DNAJA4: variants seen among roughly 807,000 people sequenced by gnomAD.
DNAJA4 encodes the protein DnaJ heat shock protein family (Hsp40) member A4, also known as dnaJ homolog subfamily A member 4.
In DNAJA4, 32 loss-of-function variants were observed where a neutral mutation model predicts 39.7. The observed-to-expected ratio is 0.81, with a 90% CI of 0.61 to 1.08. The LOEUF (loss-of-function observed/expected upper bound fraction) is 1.08. Among genes scored for constraint, DNAJA4 ranks in the 50% least tolerant of loss-of-function variants. DNAJA4 has a pLI of 0.00. For synonymous variants in DNAJA4, 184 were observed against 182.4 expected (o/e 1.01, Z -0.07); for missense variants, 439 against 505.1 (o/e 0.87, Z 1.25).
chr15:78,278,912 G>A (rs1450471676), intron 5 of DNAJA4, among the ~76,000 whole-genome samples: 1 of 136,166 alleles, frequency 7.3e-6, no homozygotes, highest in Non-Finnish European at 1.5e-5. Context: ...CTCGTGATCC[G>A]CCCGCCTCGG....
intron 5 of DNAJA4, chr15:78,278,027 C>T: frequency 2.2e-6 from 1 of 455,884 alleles, no homozygotes; most frequent in South Asian, 1.5e-5. Flanking sequence ...TCTCCCTCTT[C>T]TTCCTCTTTT....
chr15:78,279,817 A>G lies in DNAJA4; in HGVS notation c.878-228A>G. 1 of 585,480 alleles carries G rather than the reference A, an allele frequency of 1.7e-6. No individual in the cohort carries two copies. The highest frequency in any genetic ancestry group is 4.6e-4 in the Middle Eastern group (1 of 2,192). The allele number at this position is 585,480 out of a possible 1,614,324, so 36.3% of individuals were successfully genotyped here. A position where few individuals can be genotyped will look rare whatever the true frequency, so the allele number is the denominator to read the frequency against. On this transcript the variant is annotated intron_variant, in intron 5 of 6. Coordinates refer to ENST00000394852, the MANE Select transcript of DNAJA4 (RefSeq NM_001130182.2). This position sits in a 1 kb window ranked among gnomAD's most constrained non-coding sequence, Gnocchi z 4.5. ...AGCTGCACCATGCTGCCCTCTTGAC[A>G]CACTGCTGGAGCCCAGAGCACAGGC...
At position 78,279,965 on chromosome 15, in the gene DNAJA4, C is replaced by T. The variant is rs200112762; in HGVS notation, c.878-80C>T. ...ACTGCCACGGGGCACTAGGGCCTGC[C>T]GCAGGCTCTCCCATGAGGGAGAACG... On this transcript the variant is annotated intron_variant, in intron 5 of 6. Coordinates refer to ENST00000394852, the MANE Select transcript of DNAJA4 (RefSeq NM_001130182.2). This position sits in a 1 kb window ranked among gnomAD's most constrained non-coding sequence, Gnocchi z 4.5. 9.3e-5 allele frequency: 129 copies of T among 1,392,210 alleles called. 1 individual carries two copies. The East Asian group carries it at 1.5e-3, about 17-fold the overall frequency. The allele number at this position is 1,392,210 out of a possible 1,614,324, so 86.2% of individuals were successfully genotyped here.
Position 78,264,888 on chromosome 15 carries a change from G to C in DNAJA4, c.125G>C (p.Gly42Ala). 6.3e-7 allele frequency: 1 copy of C among 1,597,162 alleles called. No homozygotes were observed. The highest frequency in any genetic ancestry group is 8.5e-7 in the Non-Finnish European group (1 of 1,171,444). Residue 42 changes from glycine (G) to alanine (A), a missense_variant, in exon 1 of 7, where the codon GGC becomes GCC. Physicochemically the swap from Gly to Ala is moderately conservative, Grantham distance 60 (BLOSUM62 0). Coordinates refer to ENST00000394852, the MANE Select transcript of DNAJA4 (RefSeq NM_001130182.2). ...KYHPDKNPDE[G>A]EKFKLISQAY... ...CACCCGGACAAGAACCCGGATGAGG[G>C]CGAGAAGGTGCGGGGCGGCGCGGGG...
chr15:78,280,327 G>T lies in DNAJA4; in HGVS notation c.1061G>T (p.Arg354Met). 1.9e-6 allele frequency: 3 copies of T among 1,614,240 alleles called. No homozygotes were observed. The highest frequency in any genetic ancestry group is 2.5e-6 in the Non-Finnish European group (3 of 1,180,048). The change falls in exon 7 of 7, where the codon AGG (arginine) becomes ATG (methionine). Residue 354 changes from arginine (R) to methionine (M), a missense_variant. Physicochemically the swap from Arg to Met is moderately conservative, Grantham distance 91 (BLOSUM62 -1). Transcript: ENST00000394852. Reference sequence around the variant, plus strand: ...TTACTCCCTCCTCGACAGAAAGTGAGGATTACAGATGACATGGATCAGGTG... The same window carrying T: ...TTACTCCCTCCTCGACAGAAAGTGATGATTACAGATGACATGGATCAGGTG... ...EALLPPRQKV[R>M]ITDDMDQVEL...
At chr15:78,266,224 C>T in intron 1 of DNAJA4, 1 of 1,613,792 alleles carries the variant, frequency 6.2e-7, no homozygotes. Flanking sequence ...TTTCACATTT[C>T]AGCAAGCTGG....
intron 5 of DNAJA4, among the ~76,000 whole-genome samples, chr15:78,278,907 G>C (rs1434571443): frequency 7.0e-6 from 1 of 142,326 alleles, no homozygotes; most frequent in African/African-American, 2.7e-5. Flanking sequence ...CTGACCTCGT[G>C]ATCCGCCCGC....
At chr15:78,267,132 GTGTA>G (rs1316340629) in intron 1 of DNAJA4, among the ~76,000 whole-genome samples, 3 of 117,134 alleles carry the variant, frequency 2.6e-5, no homozygotes, top group East Asian at 3.1e-4. Context: ...TTTTGTGAGT[GTGTA>G]TGTGAGTGTG....
At chr15:78,264,403 T>TGGGCCGCGCCGGAC, upstream of DNAJA4, 2 of 1,382,734 alleles carry the variant, frequency 1.4e-6, no homozygotes, top group Non-Finnish European at 1.9e-6. Flanking sequence ...GGTGAGCGGC[T>TGGGCCGCGCCGGAC]GGGCCGCGCC....
Position 78,275,565 on chromosome 15 carries a change from T to A in DNAJA4, c.714T>A (p.Gly238=). The part of the protein sequence containing the change: ...EGDQEPELEP[G]DVIIVLDQKD... ...ATCAGGAGCCTGAGCTGGAGCCTGG[T>A]GATGTCATAATTGTGCTTGATCAGA... is the stretch of plus-strand genomic sequence containing the variant. The change falls in exon 5 of 7, where the codon GGT becomes GGA. Residue 238 remains glycine (G), a synonymous_variant. Coordinates refer to ENST00000394852, the MANE Select transcript of DNAJA4 (RefSeq NM_001130182.2). The A allele has an allele frequency of 6.2e-7, 1 of 1,614,196 alleles. No homozygotes were observed. Among genetic ancestry groups the A allele is most frequent in the South Asian group, 1.1e-5 (1 of 91,088 alleles).
chr15:78,280,158 T>A lies in DNAJA4; in HGVS notation c.978+13T>A, dbSNP rs371265771. 5.5e-5 allele frequency: 89 copies of A among 1,613,440 alleles called. No homozygotes were observed. The highest frequency in any genetic ancestry group is 6.9e-5 in the Non-Finnish European group (81 of 1,179,446). ...CATACAGTTTTTAGTAAGTTCACTATGTTTCATTGTCATGGACATATTATT... is the reference window on the plus strand; with the variant it reads ...CATACAGTTTTTAGTAAGTTCACTAAGTTTCATTGTCATGGACATATTATT... On this transcript the variant is annotated intron_variant, in intron 6 of 6. Coordinates refer to ENST00000394852, the MANE Select transcript of DNAJA4 (RefSeq NM_001130182.2).
Position 78,270,495 on chromosome 15 carries a change from A to G in DNAJA4, c.133-2A>G, listed in dbSNP as rs760338878. ...AAATCTCTCTCTCTCTCTCTTTTAA[A>G]GTTTAAACTCATATCCCAGGCATAT... On this transcript the variant is annotated splice_acceptor_variant, in intron 1 of 6. Coordinates refer to ENST00000394852, the MANE Select transcript of DNAJA4 (RefSeq NM_001130182.2). LOFTEE classifies it high-confidence loss of function. 6.2e-7 allele frequency: 1 copy of G among 1,605,286 alleles called. No homozygotes were observed. The highest frequency in any genetic ancestry group is 8.5e-7 in the Non-Finnish European group (1 of 1,176,976).
chr15:78,277,961 C>T (rs891140168), intron 5 of DNAJA4: 5 of 441,378 alleles, frequency 1.1e-5, no homozygotes, highest in Admixed American at 1.0e-4. Context: ...TTTGCACCCT[C>T]TCTTTTCTTC....
rs1271196861 is a variant in DNAJA4, at chr15:78,270,585, A to G, written c.221A>G (p.Glu74Gly). 1.9e-6 allele frequency: 3 copies of G among 1,614,220 alleles called. No individual in the cohort carries two copies. The highest frequency in any genetic ancestry group is 1.1e-5 in the South Asian group (1 of 91,088). The change falls in exon 2 of 7, where the codon GAA becomes GGA. Residue 74 changes from glutamate to glycine, a missense_variant. Transcript: ENST00000394852. The part of the protein sequence containing the change: ...YDQGGEQAIK[E>G]GGSGSPSFSS... ...CAAGGCGGAGAGCAGGCAATTAAAG[A>G]AGGAGGCTCAGGCAGCCCCAGCTTC... is the stretch of plus-strand genomic sequence containing the variant.
chr15:78,279,901 G>C lies in DNAJA4; in HGVS notation c.878-144G>C. 2 of 692,736 alleles carry C rather than the reference G, an allele frequency of 2.9e-6. No individual in the cohort carries two copies. The highest frequency in any genetic ancestry group is 1.9e-5 in the South Asian group (1 of 53,394). The allele number at this position is 692,736 out of a possible 1,614,324, so 42.9% of individuals were successfully genotyped here. A position where few individuals can be genotyped will look rare whatever the true frequency, so the allele number is the denominator to read the frequency against. On this transcript the variant is annotated intron_variant, in intron 5 of 6. Transcript: ENST00000394852. This position sits in a 1 kb window ranked among gnomAD's most constrained non-coding sequence, Gnocchi z 4.5. Reference sequence around the variant, plus strand: ...TACCTGACAAGGATACCTGGGATTGGGGCCAGCTTTCCAGTCAGATGCCAC... The same window carrying C: ...TACCTGACAAGGATACCTGGGATTGCGGCCAGCTTTCCAGTCAGATGCCAC...
chr15:78,271,980 T>TA (rs1370749659), intron 2 of DNAJA4, among the ~76,000 whole-genome samples: 4 of 152,164 alleles, frequency 2.6e-5, no homozygotes, highest in Non-Finnish European at 4.4e-5. Flanking sequence ...TCTGTGAACA[T>TA]AGAGTGCTGA....
chr15:78,264,389 C>T (rs2049055450), upstream of DNAJA4: 2 of 1,419,966 alleles, frequency 1.4e-6, no homozygotes, highest in Non-Finnish European at 1.8e-6. Context: ...GCCCGAGAAG[C>T]CCAGGTGAGC....
In DNAJA4 at chr15:78,280,883, C is replaced by CCT. The variant is rs2049636709; in HGVS notation, c.*426_*427dup. On this transcript the variant is annotated 3_prime_UTR_variant, in exon 7 of 7. Coordinates refer to ENST00000394852, the MANE Select transcript of DNAJA4 (RefSeq NM_001130182.2). ...TCATCTCTAGGTCTGTGGTTTCTCC[C>CCT]CTCTTCCCTTGGCAGAGTTATTGAG... 6.1e-6 allele frequency: 1 copy of CCT among 164,212 alleles called. No individual in the cohort carries two copies. Among genetic ancestry groups the CCT allele is most frequent in the South Asian group, 1.7e-4 (1 of 5,950 alleles). 10.2% of individuals were successfully genotyped at this position (164,212 alleles called of 1,614,324 possible). A position where few individuals can be genotyped will look rare whatever the true frequency, so the allele number is the denominator to read the frequency against.
Position 78,281,582 on chromosome 15 carries a change from G to C in DNAJA4, c.*1122G>C, listed in dbSNP as rs1317261528. On this transcript the variant is annotated 3_prime_UTR_variant, in exon 7 of 7. Coordinates refer to ENST00000394852, the MANE Select transcript of DNAJA4 (RefSeq NM_001130182.2). ...CTGTAAATTATAGCTTGTTTGGAGG[G>C]ATATTAGTCATTATTTTATTCATGA... is the stretch of plus-strand genomic sequence containing the variant. The C allele has an allele frequency of 6.6e-6, 1 of 152,226 alleles. No individual in the cohort carries two copies. Among genetic ancestry groups the C allele is most frequent in the Non-Finnish European group, 1.5e-5 (1 of 68,042 alleles). The allele number at this position is 152,226 out of a possible 1,614,324, so 9.4% of individuals were successfully genotyped here.
Sources: gnomAD v4.1 joint callset for allele counts (sites outside exome capture counted in the v4.1 genomes callset) on GRCh38, gnomAD v4.1.1 for gene constraint, Gnocchi (gnomAD v3.1) non-coding constraint, MANE v1.5 for transcripts, NCBI Gene and HGNC (gene_info 2026-07-23, HGNC 2026-07-21) for gene names.